KDM6A: variants seen among roughly 807,000 people sequenced by gnomAD.
KDM6A encodes lysine-specific demethylase 6A.
Under a neutral mutation model 117.6 loss-of-function variants are expected in KDM6A, and 11 were observed. The observed-to-expected ratio is 0.09, with a 90% confidence interval of 0.06 to 0.15. KDM6A has a LOEUF of 0.15. Ranked by LOEUF, KDM6A falls within the 10% of genes least tolerant of loss-of-function variation. KDM6A has a pLI of 1.00. For missense variants in KDM6A, 799 were observed against 1,077.3 expected, an observed-to-expected ratio of 0.74 and a Z score of 3.62; for synonymous variants, 384 against 396.1, an observed-to-expected ratio of 0.97 and a Z score of 0.36.
Position 45,051,723 on chromosome X carries a change from T to C in KDM6A, c.669T>C (p.Ser223=). 1 of 1,172,510 alleles carries C rather than the reference T, an allele frequency of 8.5e-7. No homozygotes were observed. Among genetic ancestry groups the C allele is most frequent in the Non-Finnish European group, 1.2e-6 (1 of 862,778 alleles). ...CTGTTCTTTAGAGGAAATATCATTC[T>C]GCAAAAGAAGCTTATGAACAACTTT... ...HLYETQRKYH[S]AKEAYEQLLQ... is the part of the protein sequence containing the mutation. The change falls in exon 9 of 30, where the codon TCT becomes TCC. Residue 223 remains serine, a synonymous_variant. Coordinates refer to ENST00000611820, the MANE Select transcript of KDM6A (RefSeq NM_001291415.2).
intron 2 of KDM6A, among the ~76,000 whole-genome samples, chrX:44,890,344 A>G (rs1227201851): frequency 8.9e-6 from 1 of 112,417 alleles, no homozygotes; most frequent in African/African-American, 3.2e-5. Context: ...TGTTGTGAAT[A>G]AAACTGCTAT....
chrX:44,927,021 T>C (rs1420671898), intron 2 of KDM6A, among the ~76,000 whole-genome samples: 2 of 111,720 alleles, frequency 1.8e-5, no homozygotes. Context: ...TAGCACTTAG[T>C]GTCTAGCTTA....
At chrX:45,085,602 A>G (rs1444249105) in intron 24 of KDM6A, among the ~76,000 whole-genome samples, 1 of 112,092 alleles carries the variant, frequency 8.9e-6, no homozygotes, top group Non-Finnish European at 1.9e-5. Context: ...GTCTGGCTCC[A>G]GAGCCTAATC....
intron 27 of KDM6A, among the ~76,000 whole-genome samples, chrX:45,102,044 T>C (rs1478587900): frequency 9.0e-6 from 1 of 111,676 alleles, no homozygotes. Context: ...TTCTATGGTC[T>C]CTTAAAGGCT....
intron 23 of KDM6A, 73 bp from the exon 24 acceptor site, chrX:45,083,387 G>T (rs2148149603): frequency 9.9e-7 from 1 of 1,006,885 alleles, no homozygotes; most frequent in Non-Finnish European, 1.4e-6. Flanking sequence ...GAACACAAGG[G>T]TTTTGAAGAA....
intron 2 of KDM6A, among the ~76,000 whole-genome samples, chrX:44,880,561 C>T (rs1325134645): frequency 2.8e-5 from 3 of 108,067 alleles, no homozygotes; most frequent in African/African-American, 6.8e-5. Flanking sequence ...GAGACTGAGG[C>T]GGATGGATCA....
chrX:44,948,782 C>T (rs543611996), intron 2 of KDM6A, among the ~76,000 whole-genome samples: 99 of 111,973 alleles, frequency 8.8e-4, no homozygotes, highest in Middle Eastern at 4.6e-3. Context: ...GAGAACTGTG[C>T]ACAATGTATG....
intron 28 of KDM6A, 37 bp downstream of exon 28, chrX:45,107,573 G>C (rs1211338956): frequency 8.4e-7 from 1 of 1,191,072 alleles, no homozygotes; most frequent in Non-Finnish European, 1.1e-6. Flanking sequence ...GTTTTATAAA[G>C]CCTCTTCCCT....
intron 6 of KDM6A, among the ~76,000 whole-genome samples, chrX:45,024,788 C>T (rs2042302859): frequency 1.8e-5 from 2 of 111,867 alleles, no homozygotes; most frequent in Non-Finnish European, 3.8e-5. Flanking sequence ...TTCAGCCCTT[C>T]TTTAGTCTCA....
Position 44,873,683 on chromosome X carries a change from G to A in KDM6A, c.132G>A (p.Glu44=). 1.7e-6 allele frequency: 2 copies of A among 1,179,362 alleles called. No homozygotes were observed. The highest frequency in any genetic ancestry group is 1.1e-6 in the Non-Finnish European group (1 of 879,811). Residue 44 remains glutamate (E), a synonymous_variant, in exon 1 of 30, where the codon GAG becomes GAA. Coordinates refer to ENST00000611820, the MANE Select transcript of KDM6A (RefSeq NM_001291415.2). ...SEEASPSLTA[E]EREALGGLDS... ...AGGCGTCCCCCAGCCTGACAGCCGA[G>A]GAGAGGGAGGCGCTCGGCGGACTGG...
chrX:44,988,727 A>G (rs758339214), intron 4 of KDM6A, among the ~76,000 whole-genome samples: 1 of 110,920 alleles, frequency 9.0e-6, no homozygotes, highest in South Asian at 3.9e-4. Flanking sequence ...AACAGCGGAT[A>G]TTGGTGAACA....
At chrX:44,907,020 CT>C (rs998242409) in intron 2 of KDM6A, among the ~76,000 whole-genome samples, 11 of 111,031 alleles carry the variant, frequency 9.9e-5, no homozygotes, top group African/African-American at 1.6e-4. Flanking sequence ...GGAAGGTAAC[CT>C]TTCCCCCCCA....
intron 2 of KDM6A, among the ~76,000 whole-genome samples, chrX:44,937,184 A>G (rs1009503500): frequency 3.6e-5 from 4 of 110,736 alleles, no homozygotes; most frequent in African/African-American, 1.3e-4. Flanking sequence ...AGATACTGAA[A>G]TGATACTATA....
At chrX:45,053,002 T>G (rs1360723569) in intron 9 of KDM6A, among the ~76,000 whole-genome samples, 1 of 112,017 alleles carries the variant, frequency 8.9e-6, no homozygotes, top group Non-Finnish European at 1.9e-5. Flanking sequence ...GCCTATAGTT[T>G]TATATAGGGT....
At chrX:44,977,000 C>T (rs1338967906) in intron 4 of KDM6A, among the ~76,000 whole-genome samples, 1 of 111,275 alleles carries the variant, frequency 9.0e-6, no homozygotes, top group Non-Finnish European at 1.9e-5. Flanking sequence ...TTTTAATTAT[C>T]TAATTTTTGA....
chrX:44,882,800 G>C (rs186056560), intron 2 of KDM6A, among the ~76,000 whole-genome samples: 1 of 111,396 alleles, frequency 9.0e-6, no homozygotes, highest in Non-Finnish European at 1.9e-5. Flanking sequence ...GTGGGTGAGG[G>C]ATTGTGTCAG....
intron 4 of KDM6A, among the ~76,000 whole-genome samples, chrX:44,999,266 C>T (rs2041020456): frequency 1.8e-5 from 2 of 112,003 alleles, no homozygotes; most frequent in Non-Finnish European, 3.8e-5. Context: ...TAGAAGGGTG[C>T]GCCCTTACAG....
At chrX:44,942,807 TG>T (rs2037410292) in intron 2 of KDM6A, among the ~76,000 whole-genome samples, 1 of 110,767 alleles carries the variant, frequency 9.0e-6, no homozygotes, top group Non-Finnish European at 1.9e-5. Flanking sequence ...TTACTGTAAA[TG>T]TTTTTTTAAA....
chrX:44,923,874 C>T (rs1242539647), intron 2 of KDM6A, among the ~76,000 whole-genome samples: 1 of 111,180 alleles, frequency 9.0e-6, no homozygotes, highest in Non-Finnish European at 1.9e-5. Flanking sequence ...AGGCATCTGC[C>T]ACCTCGCCTG....
Sources: gnomAD v4.1 joint callset for allele counts (sites outside exome capture counted in the v4.1 genomes callset) on GRCh38, gnomAD v4.1.1 for gene constraint, MANE v1.5 for transcripts, NCBI Gene and HGNC (gene_info 2026-07-23, HGNC 2026-07-21) for gene names.